The following ELP2 variants were observed in gnomAD, a reference collection of about 807,000 sequenced individuals.
ELP2 encodes the protein elongator acetyltransferase complex subunit 2, also known as elongator complex protein 2.
In ELP2, 90 loss-of-function variants were observed where a neutral mutation model predicts 119.2. The observed-to-expected ratio is 0.75, with a 90% CI of 0.64 to 0.90. ELP2 has a LOEUF of 0.90. ELP2 is among the 40% of genes least tolerant of loss of function. The probability of loss-of-function intolerance (pLI) is 0.00; values close to 1 mark genes in which losing one functional copy is unlikely to be tolerated. For missense variants in ELP2, 921 were observed against 967.8 expected (o/e 0.95, Z 0.64); for synonymous variants, 339 against 331.0 (o/e 1.02, Z -0.26).
chr18:36,161,250 G>C (rs745870053), intron 17 of ELP2, among the ~76,000 whole-genome samples: 37 of 152,078 alleles, frequency 2.4e-4, no homozygotes, highest in African/African-American at 2.7e-4. Context: ...GATTTAATCA[G>C]GTATCTCAAA....
intron 11 of ELP2, among the ~76,000 whole-genome samples, chr18:36,152,430 A>G (rs1165120672): frequency 1.3e-5 from 2 of 152,198 alleles, no homozygotes; most frequent in Admixed American, 1.3e-4. Context: ...CAGGAGTACC[A>G]TCACATGGGG....
rs150412497 is a variant in ELP2 at position 36,167,188 on chromosome 18, G to A, written c.2042G>A (p.Ser681Asn). 1.9e-6 allele frequency: 3 copies of A among 1,595,820 alleles called. No individual in the cohort carries two copies. The highest frequency in any genetic ancestry group is 1.7e-5 in the Admixed American group (1 of 59,492). ...IIWSCDWSPD[S>N]KYFFTGSRDK... ...TGGTCTTGTGATTGGAGTCCTGACA[G>A]CAAGTATTTCTTCACTGGGAGTCGA... Residue 681 changes from serine (S) to asparagine (N), a missense_variant, in exon 19 of 22, where the codon AGC becomes AAC. By Grantham distance (46) the Ser-to-Asn change is conservative. Coordinates refer to ENST00000358232, the MANE Select transcript of ELP2 (RefSeq NM_018255.4).
In ELP2 at chr18:36,161,009, G is replaced by C; in HGVS notation, c.1761+5G>C. On this transcript the variant is annotated splice_donor_5th_base_variant and intron_variant, in intron 17 of 21. Transcript: ENST00000358232. Reference sequence around the variant, plus strand: ...CTGCTTGCCTCAGCTTGTAAGGTAGGGAAGTTTACTTTTGATTCTGCTTGG... The same window carrying C: ...CTGCTTGCCTCAGCTTGTAAGGTAGCGAAGTTTACTTTTGATTCTGCTTGG... 1 of 1,611,168 alleles carries C rather than the reference G, an allele frequency of 6.2e-7. No homozygotes were observed. Among genetic ancestry groups the C allele is most frequent in the Non-Finnish European group, 8.5e-7 (1 of 1,177,404 alleles).
rs752641127 is a variant in ELP2, at chr18:36,136,315, A to G, written c.226A>G (p.Thr76Ala). The part of the protein sequence containing the change: ...WICKQDGSPS[T>A]ELVSGGSDNQ... ...GATATAATTTTTTTCAGCCCCTTCT[A>G]CTGAATTAGTTTCTGGAGGATCTGA... The change falls in exon 3 of 22, where the codon ACT becomes GCT. Residue 76 changes from threonine (T) to alanine (A), a missense_variant. By Grantham distance (58) the Thr-to-Ala change is moderately conservative. Coordinates refer to ENST00000358232, the MANE Select transcript of ELP2 (RefSeq NM_018255.4). 5 of 1,610,530 alleles carry G rather than the reference A, an allele frequency of 3.1e-6. No homozygotes were observed. Among genetic ancestry groups the G allele is most frequent in the South Asian group, 2.2e-5 (2 of 91,026 alleles).
intron 1 of ELP2, 94 bp from the exon 2 acceptor site, chr18:36,133,144 C>T (rs925060970): frequency 1.4e-5 from 12 of 843,624 alleles, no homozygotes; most frequent in Non-Finnish European, 2.4e-5. Context: ...GATCTTTTTA[C>T]TAGCATCGAA....
At position 36,141,221 on chromosome 18, in the gene ELP2, G is replaced by A. The variant is rs1169869833; in HGVS notation, c.588+20G>A. The A allele has an allele frequency of 1.3e-6, 2 of 1,577,850 alleles. No homozygotes were observed. The highest frequency in any genetic ancestry group is 2.2e-5 in the East Asian group (1 of 44,606). On this transcript the variant is annotated intron_variant, in intron 6 of 21. Coordinates refer to ENST00000358232, the MANE Select transcript of ELP2 (RefSeq NM_018255.4). The stretch of plus-strand genomic sequence containing the variant: ...GATCAGGTAATAATGTTTATATTAA[G>A]AGGCTGGAATTATATTCTGCTTAGT...
chr18:36,167,885 C>T (rs988490547), intron 19 of ELP2, among the ~76,000 whole-genome samples: 5 of 151,588 alleles, frequency 3.3e-5, no homozygotes, highest in Non-Finnish European at 7.4e-5. Flanking sequence ...GCCATGTTGC[C>T]AGGCTGGTCC....
intron 11 of ELP2, among the ~76,000 whole-genome samples, chr18:36,149,480 T>TG (rs2090320424): frequency 2.7e-5 from 3 of 109,178 alleles, no homozygotes; most frequent in Non-Finnish European, 5.8e-5. Context: ...GGTTTTTTGT[T>TG]TTGTTTTGTT....
Position 36,179,797 on chromosome 18 carries a change from C to A in ELP2, c.*5156C>A, listed in dbSNP as rs1286837324. Reference sequence around the variant, plus strand: ...TTTTGCTGACATTTTCCCCTCTTATCTTTTCTCCTGACCAAGTTCTAGGTA... The same window carrying A: ...TTTTGCTGACATTTTCCCCTCTTATATTTTCTCCTGACCAAGTTCTAGGTA... On this transcript the variant is annotated 3_prime_UTR_variant, in exon 22 of 22. Transcript: ENST00000358232. 2.0e-5 allele frequency: 3 copies of A among 152,200 alleles called. No individual in the cohort carries two copies. The highest frequency in any genetic ancestry group is 7.2e-5 in the African/African-American group (3 of 41,450). 9.4% of individuals were successfully genotyped at this position (152,200 alleles called of 1,614,324 possible).
chr18:36,151,779 G>A (rs1028695699), intron 11 of ELP2, among the ~76,000 whole-genome samples: 1 of 129,598 alleles, frequency 7.7e-6, no homozygotes, highest in Non-Finnish European at 1.6e-5. Context: ...GTGGAGTTTC[G>A]CTCTTGTTGC....
rs141230219 is a variant in ELP2, at chr18:36,171,080, G to T, written c.2244G>T (p.Lys748Asn). ...TTGCAGTAGGATTGGAGTGTGGAAAGATTTGCTTATATACCTGGAAAAAGA... is the reference window on the plus strand; with the variant it reads ...TTGCAGTAGGATTGGAGTGTGGAAATATTTGCTTATATACCTGGAAAAAGA... ...YVVAVGLECG[K>N]ICLYTWKKTD... The change falls in exon 21 of 22, where the codon AAG becomes AAT. Residue 748 changes from lysine (K) to asparagine (N), a missense_variant. Lys to Asn is a moderately conservative substitution (Grantham distance 94, BLOSUM62 0). Transcript: ENST00000358232. 8.8e-5 allele frequency: 142 copies of T among 1,614,100 alleles called. No individual in the cohort carries two copies. The African/African-American group carries it at 1.8e-3, about 21-fold the overall frequency.
In ELP2 at chr18:36,174,699, C is replaced by T. The variant is rs762895697; in HGVS notation, c.*58C>T. On this transcript the variant is annotated 3_prime_UTR_variant, in exon 22 of 22. Transcript: ENST00000358232. ...GTATCTTAAAATATTATCATGTAAA[C>T]AGGTCATCTTTACCTTCATAACTGA... 2 of 1,539,956 alleles carry T rather than the reference C, an allele frequency of 1.3e-6. No individual in the cohort carries two copies. Among genetic ancestry groups the T allele is most frequent in the South Asian group, 2.3e-5 (2 of 88,848 alleles).
chr18:36,164,826 C>G, intron 18 of ELP2, 159 bp downstream of exon 18: 1 of 693,642 alleles, frequency 1.4e-6, no homozygotes, highest in South Asian at 1.7e-5. Context: ...GAAGACTTGA[C>G]CTTCCTTGTA....
At chr18:36,143,052 G>A (rs1011813185) in intron 8 of ELP2, 86 bp downstream of exon 8, 18 of 920,808 alleles carry the variant, frequency 2.0e-5, no homozygotes, top group Non-Finnish European at 3.0e-5. Flanking sequence ...CTATGTGAAG[G>A]ATAGTTTTTC....
chr18:36,139,977 T>TG (rs1248484575), intron 5 of ELP2, among the ~76,000 whole-genome samples: 1 of 151,820 alleles, frequency 6.6e-6, no homozygotes, highest in African/African-American at 2.4e-5. Flanking sequence ...GCCAAGTGGC[T>TG]GGGACTACAA....
rs200848954 is a variant in ELP2, at chr18:36,164,666, C to G, written c.1953C>G (p.Phe651Leu). Residue 651 changes from phenylalanine (F) to leucine (L), a missense_variant and splice_region_variant, in exon 18 of 22, where the codon TTC becomes TTG. Transcript: ENST00000358232. Reference sequence around the variant, plus strand: ...AGCAGGATACAATCTCACCTGAGTTCGGTAAAACAGCTTCTGATTGGGAAA... The same window carrying G: ...AGCAGGATACAATCTCACCTGAGTTGGGTAAAACAGCTTCTGATTGGGAAA... ...WKKQDTISPEFEPVFSLFAFT... is the reference protein window; with the variant it reads ...WKKQDTISPELEPVFSLFAFT... 1.2e-6 allele frequency: 2 copies of G among 1,613,746 alleles called. No individual in the cohort carries two copies. Among genetic ancestry groups the G allele is most frequent in the Non-Finnish European group, 8.5e-7 (1 of 1,179,874 alleles).
At chr18:36,150,154 A>G (rs773724550) in intron 11 of ELP2, among the ~76,000 whole-genome samples, 2 of 152,196 alleles carry the variant, frequency 1.3e-5, no homozygotes, top group African/African-American at 4.8e-5. Flanking sequence ...CCTTCCCACC[A>G]GAGTCTGCCC....
intron 2 of ELP2, among the ~76,000 whole-genome samples, chr18:36,134,549 A>G (rs1440183196): frequency 6.6e-6 from 1 of 152,228 alleles, no homozygotes; most frequent in African/African-American, 2.4e-5. Flanking sequence ...ATTTTTAAGT[A>G]AATGGTTAAA....
intron 5 of ELP2, 33 bp from the exon 6 acceptor site, chr18:36,141,104 A>G (rs768669803): frequency 2.8e-5 from 44 of 1,564,606 alleles, no homozygotes; most frequent in Admixed American, 5.0e-5. Context: ...GGAATAGAGA[A>G]CTCACAGTGA....
Sources: allele counts gnomAD v4.1 joint callset (sites outside exome capture counted in the v4.1 genomes callset), GRCh38; gene constraint gnomAD v4.1.1; transcripts MANE v1.5; gene names NCBI Gene and HGNC (gene_info 2026-07-23, HGNC 2026-07-21).